PLEK: variants seen among roughly 807,000 people sequenced by gnomAD.
PLEK encodes platelet 47 kDa protein.
PLEK carries 25 observed loss-of-function variants against 43.9 expected under a neutral mutation model. The observed-to-expected ratio is 0.57, with a 90% CI of 0.41 to 0.79. The LOEUF (loss-of-function observed/expected upper bound fraction) is 0.79. PLEK is among the 30% of genes least tolerant of loss of function. PLEK has a pLI of 0.00. For synonymous variants in PLEK, 152 were observed against 144.4 expected (o/e 1.05, Z -0.38); for missense variants, 396 against 413.3 (o/e 0.96, Z 0.36).
intron 7 of PLEK, among the ~76,000 whole-genome samples, chr2:68,393,455 G>A (rs1342035389): frequency 6.6e-6 from 1 of 151,924 alleles, no homozygotes; most frequent in Non-Finnish European, 1.5e-5. Context: ...ATAAGCTTAG[G>A]GATGGAACAA....
chr2:68,387,397 C>T (rs1673768973), intron 5 of PLEK, among the ~76,000 whole-genome samples: 1 of 152,200 alleles, frequency 6.6e-6, no homozygotes, highest in African/African-American at 2.4e-5. Flanking sequence ...GGCAAAAATC[C>T]TGCCCTACTG....
chr2:68,376,913 C>G (rs886929827), intron 1 of PLEK, among the ~76,000 whole-genome samples: 3 of 152,148 alleles, frequency 2.0e-5, no homozygotes, highest in African/African-American at 7.2e-5. Context: ...CACCTCCCTG[C>G]AGTCCCCCAC....
Position 68,395,679 on chromosome 2 carries a change from G to T in PLEK, c.917-1G>T. 1 of 1,614,042 alleles carries T rather than the reference G, an allele frequency of 6.2e-7. No individual in the cohort carries two copies. Among genetic ancestry groups the T allele is most frequent in the Non-Finnish European group, 8.5e-7 (1 of 1,179,938 alleles). ...CTGCCATTTGCCTTCTCTTTCCCCA[G>T]GCAGGAAGAGTGAGGAAGAGAACCT... On this transcript the variant is annotated splice_acceptor_variant, in intron 8 of 8. Transcript: ENST00000234313. LOFTEE classifies it high-confidence loss of function.
rs1206155640 is a variant in PLEK, at chr2:68,380,394, A to G, written c.109A>G (p.Lys37Glu). The change falls in exon 2 of 9, where the codon AAG (lysine) becomes GAG (glutamate). Residue 37 changes from lysine (K) to glutamate (E), a missense_variant. Transcript: ENST00000234313. ...VLLEDGIEFYKKKSDNSPKGM... is the reference protein window; with the variant it reads ...VLLEDGIEFYEKKSDNSPKGM... Reference sequence around the variant, plus strand: ...GTTAGAAGATGGAATTGAATTCTATAAGAAGAAAAGTGACAACAGCCCCAA... The same window carrying G: ...GTTAGAAGATGGAATTGAATTCTATGAGAAGAAAAGTGACAACAGCCCCAA... The G allele has an allele frequency of 6.2e-7, 1 of 1,613,350 alleles. No individual in the cohort carries two copies. Among genetic ancestry groups the G allele is most frequent in the Non-Finnish European group, 8.5e-7 (1 of 1,179,352 alleles).
At chr2:68,379,477 G>A (rs1673568982) in intron 1 of PLEK, among the ~76,000 whole-genome samples, 1 of 151,866 alleles carries the variant, frequency 6.6e-6, no homozygotes, top group Non-Finnish European at 1.5e-5. Flanking sequence ...CCTCAAAATA[G>A]GCAATTAAAC....
At position 68,394,192 on chromosome 2, in the gene PLEK, G is replaced by T. The variant is rs1001216647; in HGVS notation, c.916+16G>T. 13 of 1,530,342 alleles carry T rather than the reference G, an allele frequency of 8.5e-6. No homozygotes were observed. Among genetic ancestry groups the T allele is most frequent in the Non-Finnish European group, 1.0e-5 (11 of 1,103,740 alleles). 94.8% of individuals were successfully genotyped at this position (1,530,342 alleles called of 1,614,324 possible). A position where few individuals can be genotyped will look rare whatever the true frequency, so the allele number is the denominator to read the frequency against. On this transcript the variant is annotated intron_variant, in intron 8 of 8. Coordinates refer to ENST00000234313, the MANE Select transcript of PLEK (RefSeq NM_002664.3). ...AACTCAAATGGTAAGATGAATTTCT[G>T]TGTGAGAGAGGTGGGTCTGCTCAGA... is the stretch of plus-strand genomic sequence containing the variant.
At position 68,386,619 on chromosome 2, in the gene PLEK, C is replaced by G. The variant is rs777203182; in HGVS notation, c.590C>G (p.Ser197Cys). Reference sequence around the variant, plus strand: ...TATCTGCAGCCTGCTGGAGACATGTCCAAGAGTGCAGTGGATGGAACTGCT... The same window carrying G: ...TATCTGCAGCCTGCTGGAGACATGTGCAAGAGTGCAGTGGATGGAACTGCT... ...EGYLQPAGDM[S>C]KSAVDGTAEN... The change falls in exon 5 of 9, where the codon TCC (serine) becomes TGC (cysteine). Residue 197 changes from serine to cysteine, a missense_variant. Coordinates refer to ENST00000234313, the MANE Select transcript of PLEK (RefSeq NM_002664.3). The G allele has an allele frequency of 1.2e-6, 2 of 1,613,918 alleles. No individual in the cohort carries two copies. The highest frequency in any genetic ancestry group is 2.7e-5 in the African/African-American group (2 of 75,016).
chr2:68,370,276 T>C (rs756955766), intron 1 of PLEK, among the ~76,000 whole-genome samples: 31 of 152,146 alleles, frequency 2.0e-4, no homozygotes, highest in Non-Finnish European at 4.1e-4. Context: ...AGGGAGTGTC[T>C]GAGAGGGGTT....
intron 7 of PLEK, among the ~76,000 whole-genome samples, chr2:68,393,749 G>C (rs545793648): frequency 1.3e-5 from 2 of 152,254 alleles, no homozygotes; most frequent in South Asian, 2.1e-4. Flanking sequence ...ACTTCCCCTG[G>C]GTGGTTATAT....
At chr2:68,379,550 T>C (rs899456806) in intron 1 of PLEK, among the ~76,000 whole-genome samples, 2 of 151,890 alleles carry the variant, frequency 1.3e-5, no homozygotes, top group South Asian at 2.1e-4. Flanking sequence ...ATGTGTCAGA[T>C]GTAGTTTCAG....
In PLEK at chr2:68,396,334, C is replaced by T. The variant is rs563880115; in HGVS notation, c.*518C>T. 2.3e-4 allele frequency: 35 copies of T among 152,980 alleles called. No individual in the cohort carries two copies. The highest frequency in any genetic ancestry group is 8.2e-4 in the African/African-American group (34 of 41,538). The allele number at this position is 152,980 out of a possible 1,614,324, so 9.5% of individuals were successfully genotyped here. On this transcript the variant is annotated 3_prime_UTR_variant, in exon 9 of 9. Transcript: ENST00000234313. ...GTAGTACAGTACCAGGAAGAAACCT[C>T]TTTTGTTCTCTTTAGACATCTTCTA...
chr2:68,374,378 G>A (rs1673464377), intron 1 of PLEK, among the ~76,000 whole-genome samples: 2 of 152,178 alleles, frequency 1.3e-5, no homozygotes, highest in African/African-American at 2.4e-5. Flanking sequence ...TTCATTGCAT[G>A]AATATGCTGT....
At chr2:68,390,784 T>G (rs2103783647) in intron 6 of PLEK, among the ~76,000 whole-genome samples, 1 of 152,360 alleles carries the variant, frequency 6.6e-6, no homozygotes, top group Non-Finnish European at 1.5e-5. Flanking sequence ...TGTGGCTAAC[T>G]GGAGGCCATT....
chr2:68,374,797 C>G (rs1450269026), intron 1 of PLEK, among the ~76,000 whole-genome samples: 2 of 152,186 alleles, frequency 1.3e-5, no homozygotes, highest in Non-Finnish European at 2.9e-5. Context: ...CACTCAACAT[C>G]TATGAGATTT....
At chr2:68,366,424 C>A (rs942388358) in intron 1 of PLEK, among the ~76,000 whole-genome samples, 1 of 152,200 alleles carries the variant, frequency 6.6e-6, no homozygotes, top group African/African-American at 2.4e-5. Context: ...CCTTCATTTG[C>A]AGAAGAGGAG....
chr2:68,393,046 A>C, intron 6 of PLEK, 116 bp from the exon 7 acceptor site: 4 of 750,774 alleles, frequency 5.3e-6, no homozygotes, highest in Non-Finnish European at 7.3e-6. Flanking sequence ...TGGAGTTAGT[A>C]TTTCATTTTC....
At chr2:68,366,789 T>C (rs1009025971) in intron 1 of PLEK, among the ~76,000 whole-genome samples, 2 of 152,234 alleles carry the variant, frequency 1.3e-5, no homozygotes, top group East Asian at 1.9e-4. Context: ...TATTGACTTA[T>C]TCCTTTCCTG....
At chr2:68,393,850 T>A (rs983862146) in intron 7 of PLEK, among the ~76,000 whole-genome samples, 5 of 152,194 alleles carry the variant, frequency 3.3e-5, no homozygotes, top group African/African-American at 9.6e-5. Context: ...CCACCTCTCC[T>A]GTCACTTTTC....
Position 68,382,617 on chromosome 2 carries a change from T to A in PLEK, c.456T>A (p.Phe152Leu), listed in dbSNP as rs1398006878. The change falls in exon 4 of 9, where the codon TTT (phenylalanine) becomes TTA (leucine). Residue 152 changes from phenylalanine (F) to leucine (L), a missense_variant. Transcript: ENST00000234313. ...ELNLEKDKKIFNHCFTGNCVI... is the reference protein window; with the variant it reads ...ELNLEKDKKILNHCFTGNCVI... ...ATCTAGAGAAGGACAAGAAGATTTT[T>A]AATCACTGCTTCACAGGTAAAAGCA... 1 of 1,592,556 alleles carries A rather than the reference T, an allele frequency of 6.3e-7. No individual in the cohort carries two copies. The highest frequency in any genetic ancestry group is 1.3e-5 in the African/African-American group (1 of 74,440).
Sources: allele counts gnomAD v4.1 joint callset (sites outside exome capture counted in the v4.1 genomes callset), GRCh38; gene constraint gnomAD v4.1.1; transcripts MANE v1.5; gene names NCBI Gene and HGNC (gene_info 2026-07-23, HGNC 2026-07-21).